Variants in LRP1 observed in about 807,000 individuals in gnomAD.
LRP1 encodes the protein LDL receptor related protein 1.
A neutral mutation model predicts 541.5 loss-of-function variants in LRP1; 51 were observed. That is an observed-to-expected ratio of 0.09 (90% CI 0.08 to 0.12). LRP1 has a LOEUF of 0.12. Ranked by LOEUF, LRP1 falls within the 10% of genes least tolerant of loss-of-function variation. The pLI is 1.00. For synonymous variants in LRP1, 2,219 were observed against 2,470.8 expected (o/e 0.90, Z 3.02); for missense variants, 3,878 against 6,376.2 (o/e 0.61, Z 13.34).
chr12:57,208,093 T>C lies in LRP1; in HGVS notation c.11915T>C (p.Val3972Ala). Residue 3972 changes from valine (V) to alanine (A), a missense_variant, in exon 77 of 89, where the codon GTG becomes GCG. Val to Ala is a moderately conservative substitution (Grantham distance 64, BLOSUM62 0). Around this residue, in one of 13 missense-constraint regions of LRP1, gnomAD observed 871 missense variants for 1,212.4 expected, o/e 0.72. Transcript: ENST00000243077. ...GIAIDWVAGNVYWTDSGRDVI... is the reference protein window; with the variant it reads ...GIAIDWVAGNAYWTDSGRDVI... The stretch of plus-strand genomic sequence containing the variant: ...GCCATCGACTGGGTGGCCGGAAACG[T>C]GTACTGGACCGACTCGGGCCGAGAT... 1.2e-6 allele frequency: 2 copies of C among 1,614,110 alleles called. No individual in the cohort carries two copies. The highest frequency in any genetic ancestry group is 1.1e-5 in the South Asian group (1 of 91,088).
chr12:57,166,441 GTCCC>G, intron 17 of LRP1: 2 of 509,200 alleles, frequency 3.9e-6, no homozygotes, highest in Non-Finnish European at 6.9e-6. Flanking sequence ...TGCACCTCTA[GTCCC>G]AGCTACTTGA....
chr12:57,195,000 A>C lies in LRP1; in HGVS notation c.8207A>C (p.Glu2736Ala). The change falls in exon 51 of 89, where the codon GAG becomes GCG. Residue 2736 changes from glutamate to alanine, a missense_variant. Glu to Ala is a moderately radical substitution (Grantham distance 107, BLOSUM62 -1). This residue lies in a region of LRP1 where 1,100 missense variants were observed against 1,827.4 expected (regional missense o/e 0.60). Coordinates refer to ENST00000243077, the MANE Select transcript of LRP1 (RefSeq NM_002332.3). ...ACTGCCCCAGACAAGTTCTGCTCAG[A>C]GGCCCAGTTTGAGTGCCAGAACCAT... ...DETHCNKFCS[E>A]AQFECQNHRC... The C allele has an allele frequency of 6.2e-7, 1 of 1,613,944 alleles. No individual in the cohort carries two copies. The highest frequency in any genetic ancestry group is 1.7e-5 in the Admixed American group (1 of 60,032).
Position 57,156,190 on chromosome 12 carries a change from G to A in LRP1, c.1324G>A (p.Val442Met), listed in dbSNP as rs1258194430. Residue 442 changes from valine (V) to methionine (M), a missense_variant, in exon 9 of 89, where the codon GTG (valine) becomes ATG (methionine). Physicochemically the swap from Val to Met is conservative, Grantham distance 21 (BLOSUM62 1). Around this residue, in one of 13 missense-constraint regions of LRP1, gnomAD observed 496 missense variants for 861.0 expected, o/e 0.58. Coordinates refer to ENST00000243077, the MANE Select transcript of LRP1 (RefSeq NM_002332.3). This position sits in a 1 kb window ranked among gnomAD's most constrained non-coding sequence, Gnocchi z 5.2. ...NAQQKTSVIR[V>M]NRFNSTEYQV... is the part of the protein sequence containing the mutation. ...CCAGCAGAAGACGAGTGTGATCCGT[G>A]TGAACCGCTTTAACAGCACCGAGTA... is the stretch of plus-strand genomic sequence containing the variant. The A allele has an allele frequency of 6.2e-7, 1 of 1,614,134 alleles. No individual in the cohort carries two copies. The highest frequency in any genetic ancestry group is 1.3e-5 in the African/African-American group (1 of 75,032).
rs756497827 is a variant in LRP1 at position 57,145,410 on chromosome 12, C to A, written c.761C>A (p.Thr254Lys). The change falls in exon 6 of 89, where the codon ACG becomes AAG. Residue 254 changes from threonine to lysine, a missense_variant. Thr to Lys is a moderately conservative substitution (Grantham distance 78). This residue lies in a region of LRP1 where 293 missense variants were observed against 403.7 expected (regional missense o/e 0.73). Coordinates refer to ENST00000243077, the MANE Select transcript of LRP1 (RefSeq NM_002332.3). The stretch of plus-strand genomic sequence containing the variant: ...CATGTTGGGGACAGTGCTGCTCAGA[C>A]GCAGCTCAAGTGTGCCCGCATGCCT... ...WVHVGDSAAQ[T>K]QLKCARMPGL... is the part of the protein sequence containing the mutation. 2 of 1,614,138 alleles carry A rather than the reference C, an allele frequency of 1.2e-6. No homozygotes were observed. The highest frequency in any genetic ancestry group is 1.7e-5 in the Admixed American group (1 of 60,024).
At chr12:57,170,472 G>T (rs868210283) in intron 20 of LRP1, among the ~76,000 whole-genome samples, 7 of 151,826 alleles carry the variant, frequency 4.6e-5, no homozygotes, top group Middle Eastern at 3.4e-3. Context: ...TGAGGCCAGG[G>T]GTTCAAGACC....
chr12:57,184,054 C>A lies in LRP1; in HGVS notation c.5930-31C>A. 2.5e-6 allele frequency: 4 copies of A among 1,607,918 alleles called. No homozygotes were observed. The highest frequency in any genetic ancestry group is 3.4e-6 in the Non-Finnish European group (4 of 1,176,276). On this transcript the variant is annotated intron_variant, in intron 36 of 88. Coordinates refer to ENST00000243077, the MANE Select transcript of LRP1 (RefSeq NM_002332.3). This position sits in a 1 kb window ranked among gnomAD's most constrained non-coding sequence, Gnocchi z 7.8. ...ACCAGGTCCACCTGTCCTCACCTAA[C>A]CTCCCTGAGCCCCACCAACTCCCTC...
chr12:57,172,080 G>C (rs932245487), intron 20 of LRP1, among the ~76,000 whole-genome samples: 1 of 137,690 alleles, frequency 7.3e-6, no homozygotes, highest in Non-Finnish European at 1.5e-5. Context: ...TTTTTTTTGA[G>C]ATGGAGTCTC....
chr12:57,144,966 C>T lies in LRP1; in HGVS notation c.449-6C>T, dbSNP rs752014192. On this transcript the variant is annotated splice_polypyrimidine_tract_variant and splice_region_variant and intron_variant, in intron 4 of 88. Transcript: ENST00000243077. Reference sequence around the variant, plus strand: ...AATGACCACATTCTTGCCCTTTCCTCGGCAGATTTTGATGAGTGCTCAGTG... The same window carrying T: ...AATGACCACATTCTTGCCCTTTCCTTGGCAGATTTTGATGAGTGCTCAGTG... 65 of 1,613,188 alleles carry T rather than the reference C, an allele frequency of 4.0e-5. No individual in the cohort carries two copies. The highest frequency in any genetic ancestry group is 1.3e-4 in the East Asian group (6 of 44,868).
chr12:57,199,935 C>T lies in LRP1; in HGVS notation c.9924C>T (p.Ser3308=), dbSNP rs940564398. 6.3e-7 allele frequency: 1 copy of T among 1,595,524 alleles called. No homozygotes were observed. The highest frequency in any genetic ancestry group is 1.8e-5 in the Admixed American group (1 of 54,878). The change falls in exon 62 of 89, where the codon TCC becomes TCT. Residue 3308 remains serine, a synonymous_variant. Transcript: ENST00000243077. ...GCTGCAGCAACCTGTGCCTGCTGTC[C>T]CCCGGGGGAGGGCACAAATGTGCCT... ...NGGCSNLCLL[S]PGGGHKCACP...
At chr12:57,138,096 G>A (rs2035211707) in intron 1 of LRP1, among the ~76,000 whole-genome samples, 2 of 152,230 alleles carry the variant, frequency 1.3e-5, no homozygotes, top group South Asian at 2.1e-4. Flanking sequence ...AACATGTCAA[G>A]GCCTAAATGC....
rs1170919046 is a variant in LRP1 at position 57,212,496 on chromosome 12, G to A, written c.13576G>A (p.Glu4526Lys). 6.2e-7 allele frequency: 1 copy of A among 1,613,990 alleles called. No homozygotes were observed. Among genetic ancestry groups the A allele is most frequent in the Non-Finnish European group, 8.5e-7 (1 of 1,179,956 alleles). The change falls in exon 89 of 89, where the codon GAG becomes AAG. Residue 4526 changes from glutamate (E) to lysine (K), a missense_variant. Glu to Lys is a moderately conservative substitution (Grantham distance 56). Transcript: ENST00000243077. This position sits in a 1 kb window ranked among gnomAD's most constrained non-coding sequence, Gnocchi z 5.0. ...TCGCCACTCCCTGGCCAGCACGGAC[G>A]AGAAGCGAGAACTCCTGGGCCGGGG... ...GSRHSLASTD[E>K]KRELLGRGPE...
Position 57,154,951 on chromosome 12 carries a change from T to C in LRP1, c.1227+250T>C. The C allele has an allele frequency of 1.7e-6, 1 of 600,412 alleles. No homozygotes were observed. Among genetic ancestry groups the C allele is most frequent in the Non-Finnish European group, 3.0e-6 (1 of 337,158 alleles). 37.2% of individuals were successfully genotyped at this position (600,412 alleles called of 1,614,324 possible). ...TACTTCCTGTTTCTCATTTGACCCT[T>C]ATAATAACCCCTAGCTGATGAACAG... On this transcript the variant is annotated intron_variant, in intron 8 of 88. Coordinates refer to ENST00000243077, the MANE Select transcript of LRP1 (RefSeq NM_002332.3). The surrounding 1 kb of genome is among the most constrained non-coding windows in gnomAD (Gnocchi z 4.6).
In LRP1 at chr12:57,201,394, C is replaced by A; in HGVS notation, c.10346-103C>A. 1 of 1,503,570 alleles carries A rather than the reference C, an allele frequency of 6.7e-7. No homozygotes were observed. The highest frequency in any genetic ancestry group is 9.0e-7 in the Non-Finnish European group (1 of 1,116,166). 93.1% of individuals were successfully genotyped at this position (1,503,570 alleles called of 1,614,324 possible). On this transcript the variant is annotated intron_variant, in intron 65 of 88. Coordinates refer to ENST00000243077, the MANE Select transcript of LRP1 (RefSeq NM_002332.3). This position sits in a 1 kb window ranked among gnomAD's most constrained non-coding sequence, Gnocchi z 6.4. The stretch of plus-strand genomic sequence containing the variant: ...ACTGTTCCTTCCTCCGAAGAAGTTG[C>A]TGGCAGGACCAAGGCCAGGGCTTGG...
At chr12:57,163,703 C>T (rs965507970) in intron 15 of LRP1, among the ~76,000 whole-genome samples, 4 of 152,130 alleles carry the variant, frequency 2.6e-5, no homozygotes, top group Admixed American at 6.5e-5. Context: ...AAAGTGAACA[C>T]CATTCTTTTT....
At chr12:57,143,852 G>A (rs1592605803) in intron 4 of LRP1, 54 bp downstream of exon 4, 1 of 1,566,436 alleles carries the variant, frequency 6.4e-7, no homozygotes, top group East Asian at 2.3e-5. Context: ...GCCAGTTGAG[G>A]TGGGCAGGGA....
chr12:57,212,235 G>A lies in LRP1; in HGVS notation c.13468G>A (p.Ala4490Thr), dbSNP rs761242908. ...TGATGATGTGGGAGGCCTACTGGACGCTGACTTTGCCCTGGACCCTGACAA... is the reference window on the plus strand; with the variant it reads ...TGATGATGTGGGAGGCCTACTGGACACTGACTTTGCCCTGGACCCTGACAA... ...EPDDVGGLLD[A>T]DFALDPDKPT... Residue 4490 changes from alanine to threonine, a missense_variant, in exon 88 of 89, where the codon GCT (alanine) becomes ACT (threonine). Transcript: ENST00000243077. The surrounding 1 kb of genome is among the most constrained non-coding windows in gnomAD (Gnocchi z 5.0). 6.8e-6 allele frequency: 11 copies of A among 1,613,610 alleles called. No homozygotes were observed. Among genetic ancestry groups the A allele is most frequent in the South Asian group, 6.6e-5 (6 of 91,064 alleles).
chr12:57,178,362 A>G lies in LRP1; in HGVS notation c.4365A>G (p.Ser1455=). 1 of 1,613,398 alleles carries G rather than the reference A, an allele frequency of 6.2e-7. No homozygotes were observed. The highest frequency in any genetic ancestry group is 8.5e-7 in the Non-Finnish European group (1 of 1,179,386). Residue 1455 remains serine, a synonymous_variant, in exon 27 of 89, where the codon TCA becomes TCG. Coordinates refer to ENST00000243077, the MANE Select transcript of LRP1 (RefSeq NM_002332.3). The surrounding 1 kb of genome is among the most constrained non-coding windows in gnomAD (Gnocchi z 5.8). ...EKRILWIDAR[S]DAIYSARYDG... ...TTCTGCTCCATCATGCTCTTAGGTCAGATGCCATTTACTCAGCCCGTTACG... is the reference window on the plus strand; with the variant it reads ...TTCTGCTCCATCATGCTCTTAGGTCGGATGCCATTTACTCAGCCCGTTACG...
intron 1 of LRP1, 78 bp downstream of exon 1, chr12:57,129,109 A>G: frequency 7.1e-7 from 1 of 1,412,526 alleles, no homozygotes; most frequent in Non-Finnish European, 9.8e-7. Context: ...ACGGATGGGG[A>G]AGGGAGACGC....
At chr12:57,135,789 A>G (rs1479817916) in intron 1 of LRP1, among the ~76,000 whole-genome samples, 1 of 152,028 alleles carries the variant, frequency 6.6e-6, no homozygotes, top group African/African-American at 2.4e-5. Flanking sequence ...GGAGTTTGCC[A>G]GCTGCTGTTT....
Sources: allele counts gnomAD v4.1 joint callset (sites outside exome capture counted in the v4.1 genomes callset), GRCh38; gene constraint gnomAD v4.1.1; regional missense constraint gnomAD v4.1.1; non-coding constraint Gnocchi (gnomAD v3.1); transcripts MANE v1.5; gene names NCBI Gene and HGNC (gene_info 2026-07-23, HGNC 2026-07-21).